Variants in SULT1C3 observed in about 807,000 individuals in gnomAD.
SULT1C3 encodes sulfotransferase family 1C member 3, also known as sulfotransferase 1C3.
In SULT1C3, 31 loss-of-function variants were observed where a neutral mutation model predicts 28.4. That is an observed-to-expected ratio of 1.09 (90% CI 0.82 to 1.47). SULT1C3 has a LOEUF of 1.47. SULT1C3 is among the 40% of genes most tolerant of loss of function. The pLI, the probability that SULT1C3 is intolerant of heterozygous loss-of-function variation, is 0.00. For missense variants in SULT1C3, 307 were observed against 272.5 expected (o/e 1.13, Z -0.89); for synonymous variants, 106 against 92.2 (o/e 1.15, Z -0.86).
downstream of SULT1C3, chr2:108,265,329 T>C (rs753337189): frequency 4.3e-6 from 7 of 1,613,594 alleles, no homozygotes; most frequent in South Asian, 5.5e-5. Context: ...GGAAGCACCC[T>C]AACCTTCCGC....
At chr2:108,254,246 A>G (rs1230347363) in intron 4 of SULT1C3, among the ~76,000 whole-genome samples, 1 of 151,862 alleles carries the variant, frequency 6.6e-6, no homozygotes, top group Non-Finnish European at 1.5e-5. Flanking sequence ...TCCTCACTAC[A>G]GTCCTCCTGA....
rs1486336587 is a variant in SULT1C3, at chr2:108,242,477, T to C, written c.-8+2394T>C. Among the ~76,000 whole-genome samples, 7 of 152,144 alleles carry C rather than the reference T, an allele frequency of 4.6e-5. No individual in the cohort carries two copies. The East Asian group carries it at 1.2e-3, about 25-fold the overall frequency. ...TGAAGGCAATTAGCCCATCCCCCCATAGAAGTCTTATTTTTTAGTGGAGGG... is the reference window on the plus strand; with the variant it reads ...TGAAGGCAATTAGCCCATCCCCCCACAGAAGTCTTATTTTTTAGTGGAGGG... On this transcript the variant is annotated intron_variant, in intron 1 of 7. Transcript: ENST00000681802.
intron 7 of SULT1C3, among the ~76,000 whole-genome samples, chr2:108,259,754 C>T (rs1045511192): frequency 2.0e-5 from 3 of 151,938 alleles, no homozygotes; most frequent in African/African-American, 4.8e-5. Flanking sequence ...GATGAATGAA[C>T]ATTATTTCTG....
At chr2:108,242,934 A>G (rs1441453464) in intron 1 of SULT1C3, among the ~76,000 whole-genome samples, 2 of 152,208 alleles carry the variant, frequency 1.3e-5, no homozygotes, top group African/African-American at 4.8e-5. Flanking sequence ...ACTTTTAAAT[A>G]TACCTATAAC....
intron 4 of SULT1C3, among the ~76,000 whole-genome samples, chr2:108,254,050 T>TG (rs1172268113): frequency 6.6e-6 from 1 of 151,952 alleles, no homozygotes; most frequent in East Asian, 1.9e-4. Context: ...CCTCTAGACC[T>TG]GCCCCCTCCA....
intron 1 of SULT1C3, among the ~76,000 whole-genome samples, chr2:108,240,465 T>A (rs1675440474): frequency 6.6e-6 from 1 of 152,208 alleles, no homozygotes; most frequent in Admixed American, 6.5e-5. Context: ...CCATCTAAAA[T>A]TTTACTTACC....
downstream of SULT1C3, chr2:108,264,966 A>G: frequency 6.2e-7 from 1 of 1,613,780 alleles, no homozygotes; most frequent in Non-Finnish European, 8.5e-7. Context: ...TTTGCCCACC[A>G]GCATTATGGA....
chr2:108,251,262 G>A (rs12622661), intron 2 of SULT1C3, among the ~76,000 whole-genome samples: 98,770 of 151,674 alleles, frequency 0.65, 32,372 homozygotes, highest in East Asian at 0.83. Context: ...TAGAAAATAA[G>A]CAATTTGAAA....
intron 2 of SULT1C3, among the ~76,000 whole-genome samples, chr2:108,248,456 C>A (rs1573216803): frequency 6.6e-6 from 1 of 152,120 alleles, no homozygotes; most frequent in Non-Finnish European, 1.5e-5. Flanking sequence ...AAAGCCATAG[C>A]AAACTCATTG....
chr2:108,252,881 G>A (rs370255955), intron 3 of SULT1C3, among the ~76,000 whole-genome samples: 5 of 152,110 alleles, frequency 3.3e-5, no homozygotes, highest in East Asian at 1.9e-4. Context: ...GGGATATACC[G>A]TGGACATTCC....
At chr2:108,261,046 C>A (rs13006087), downstream of SULT1C3, among the ~76,000 whole-genome samples, 1 of 151,834 alleles carries the variant, frequency 6.6e-6, no homozygotes, top group Non-Finnish European at 1.5e-5. Context: ...TATTACAAGC[C>A]CCATTGTTAA....
At chr2:108,252,027 A>T (rs1456123575) in intron 2 of SULT1C3, among the ~76,000 whole-genome samples, 1 of 151,936 alleles carries the variant, frequency 6.6e-6, no homozygotes, top group Non-Finnish European at 1.5e-5. Flanking sequence ...TAGTTGAGAG[A>T]TTAAATACTA....
At chr2:108,255,840 G>A (rs950911249) in intron 5 of SULT1C3, 142 bp downstream of exon 5, 1 of 1,051,296 alleles carries the variant, frequency 9.5e-7, no homozygotes, top group Non-Finnish European at 1.3e-6. Context: ...GAGAAGCCAG[G>A]TAGAAGAGGT....
intron 5 of SULT1C3, among the ~76,000 whole-genome samples, chr2:108,256,229 T>C (rs1298737209): frequency 6.6e-6 from 1 of 151,980 alleles, no homozygotes; most frequent in Non-Finnish European, 1.5e-5. Context: ...AGAGAAGCAG[T>C]GAACACATTA....
chr2:108,247,139 AAAC>A (rs1675602237), intron 1 of SULT1C3, 46 bp from the exon 2 acceptor site: 1 of 1,358,952 alleles, frequency 7.4e-7, no homozygotes, highest in Non-Finnish European at 9.6e-7. Context: ...ATGAACCATA[AAAC>A]AACATTTTTA....
downstream of SULT1C3, among the ~76,000 whole-genome samples, chr2:108,263,677 A>G (rs773785074): frequency 4.6e-5 from 7 of 152,180 alleles, no homozygotes; most frequent in Non-Finnish European, 1.0e-4. Context: ...GGCTTTAAGA[A>G]AGCACAACTT....
At chr2:108,262,309 G>A (rs952077118), downstream of SULT1C3, among the ~76,000 whole-genome samples, 6 of 152,110 alleles carry the variant, frequency 3.9e-5, no homozygotes, top group Non-Finnish European at 7.3e-5. Flanking sequence ...AGAGGAGGAG[G>A]CAGATTAAAG....
In SULT1C3 at chr2:108,260,713, A is replaced by G. The variant is rs1558667185; in HGVS notation, c.*33A>G. 3 of 455,976 alleles carry G rather than the reference A, an allele frequency of 6.6e-6. No individual in the cohort carries two copies. The highest frequency in any genetic ancestry group is 1.3e-5 in the Non-Finnish European group (3 of 226,592). 28.2% of individuals were successfully genotyped at this position (455,976 alleles called of 1,614,324 possible). ...AACAACAAACTAGGTGACAGAGACT[A>G]TGCCAACTATTTCGCCTTTTATTCT... On this transcript the variant is annotated 3_prime_UTR_variant, in exon 8 of 8. Coordinates refer to ENST00000681802, the MANE Select transcript of SULT1C3 (RefSeq NM_001320878.2).
intron 5 of SULT1C3, 72 bp downstream of exon 5, chr2:108,255,770 G>T: frequency 6.6e-7 from 1 of 1,526,362 alleles, no homozygotes. Flanking sequence ...GTAAACTGGA[G>T]GAGAAAGTTA....
Sources: allele counts gnomAD v4.1 joint callset (sites outside exome capture counted in the v4.1 genomes callset), GRCh38; gene constraint gnomAD v4.1.1; transcripts MANE v1.5; gene names NCBI Gene and HGNC (gene_info 2026-07-23, HGNC 2026-07-21).